Variants in TRPC5 observed in about 807,000 individuals in gnomAD.
TRPC5 encodes the protein short transient receptor potential channel 5.
Under a neutral mutation model 56.5 loss-of-function variants are expected in TRPC5, and 9 were observed. The observed-to-expected ratio is 0.16, with a 90% CI of 0.10 to 0.28. TRPC5 has a LOEUF of 0.28. Ranked by LOEUF, TRPC5 falls within the 10% of genes least tolerant of loss-of-function variation. TRPC5 has a pLI of 1.00. For missense variants in TRPC5, 469 were observed against 748.9 expected (o/e 0.63, Z 4.36); for synonymous variants, 282 against 278.5 (o/e 1.01, Z -0.13).
chrX:112,020,036 C>T (rs1251743997), intron 1 of TRPC5, among the ~76,000 whole-genome samples: 2 of 111,821 alleles, frequency 1.8e-5, no homozygotes, highest in Non-Finnish European at 3.8e-5. Flanking sequence ...TTCATCCTCG[C>T]ATTCGTATCT....
chrX:111,851,228 A>C (rs1262921729), intron 5 of TRPC5, among the ~76,000 whole-genome samples: 1 of 112,233 alleles, frequency 8.9e-6, no homozygotes, highest in African/African-American at 3.2e-5. Flanking sequence ...AAATAAACTA[A>C]GTTGTTGGAG....
chrX:111,962,779 TGAAAG>T (rs1426735137), intron 1 of TRPC5, among the ~76,000 whole-genome samples: 1 of 112,367 alleles, frequency 8.9e-6, no homozygotes, highest in Non-Finnish European at 1.9e-5. Flanking sequence ...AAATCTTTTA[TGAAAG>T]GAAGAGTCAA....
chrX:111,779,084 C>A lies in TRPC5; in HGVS notation c.2143-10G>T. ...AATTCCTGATAACTTCCTGGAATTA[C>A]AAAACATGAAGAAGCATTCAGTCTC... On this transcript the variant is annotated splice_polypyrimidine_tract_variant and intron_variant, in intron 9 of 10. Transcript: ENST00000262839. 2 of 1,157,316 alleles carry A rather than the reference C, an allele frequency of 1.7e-6. No homozygotes were observed. Among genetic ancestry groups the A allele is most frequent in the Non-Finnish European group, 2.3e-6 (2 of 852,468 alleles).
chrX:111,993,946 C>T (rs773533373), intron 1 of TRPC5, among the ~76,000 whole-genome samples: 2 of 111,958 alleles, frequency 1.8e-5, no homozygotes, highest in South Asian at 7.5e-4. Context: ...GTTGCCATTG[C>T]TTTTGGTGTT....
intron 7 of TRPC5, among the ~76,000 whole-genome samples, chrX:111,787,876 C>A (rs1945981717): frequency 9.0e-6 from 1 of 111,440 alleles, no homozygotes; most frequent in African/African-American, 3.3e-5. Context: ...GAAGTTGAAT[C>A]TCTGAATAGG....
At chrX:111,975,671 C>T (rs1352564120) in intron 1 of TRPC5, among the ~76,000 whole-genome samples, 2 of 110,708 alleles carry the variant, frequency 1.8e-5, no homozygotes, top group Non-Finnish European at 3.8e-5. Context: ...CTGAGGAGGG[C>T]GGATCACGAG....
At chrX:111,819,090 C>T in intron 7 of TRPC5, among the ~76,000 whole-genome samples, 1 of 111,506 alleles carries the variant, frequency 9.0e-6, no homozygotes, top group East Asian at 2.8e-4. Context: ...AAGTTCTTAA[C>T]CACTGAGCTA....
intron 3 of TRPC5, among the ~76,000 whole-genome samples, chrX:111,875,623 C>T (rs1450077773): frequency 2.3e-5 from 2 of 87,334 alleles, no homozygotes; most frequent in Non-Finnish European, 4.2e-5. Context: ...CCTTGTGTTG[C>T]ACTTCAATGG....
At chrX:111,903,788 T>C (rs780166079) in intron 3 of TRPC5, 15 of 112,013 alleles carry the variant, frequency 1.3e-4, no homozygotes, top group Non-Finnish European at 2.6e-4. Flanking sequence ...GGCATTAGAT[T>C]AGGTAGTACA....
intron 7 of TRPC5, among the ~76,000 whole-genome samples, chrX:111,805,967 T>C (rs1158769238): frequency 9.0e-6 from 1 of 111,412 alleles, no homozygotes; most frequent in African/African-American, 3.3e-5. Context: ...GCCAATATTT[T>C]CTATAAATTG....
At chrX:111,971,797 A>G (rs1927792414) in intron 1 of TRPC5, among the ~76,000 whole-genome samples, 1 of 111,988 alleles carries the variant, frequency 8.9e-6, no homozygotes, top group Non-Finnish European at 1.9e-5. Flanking sequence ...TCTGGAGGAA[A>G]GATCACCTGG....
At chrX:111,989,947 A>AATGAAGGCAC (rs1279800987) in intron 1 of TRPC5, among the ~76,000 whole-genome samples, 1 of 112,628 alleles carries the variant, frequency 8.9e-6, no homozygotes, top group Non-Finnish European at 1.9e-5. Flanking sequence ...TTGGGGGGAA[A>AATGAAGGCAC]ATGAAGGCAC....
chrX:111,968,824 G>T (rs1240488293), intron 1 of TRPC5, among the ~76,000 whole-genome samples: 1 of 67,109 alleles, frequency 1.5e-5, no homozygotes, highest in Admixed American at 2.3e-4. Context: ...GGGGACTGTT[G>T]TGGGGTGGGG....
chrX:111,834,230 T>A (rs893274707), intron 7 of TRPC5, among the ~76,000 whole-genome samples: 2 of 111,788 alleles, frequency 1.8e-5, no homozygotes, highest in Admixed American at 1.9e-4. Context: ...TGCAAAAAAA[T>A]TCAGCAATGG....
chrX:111,953,486 C>A (rs1232976268), intron 1 of TRPC5, among the ~76,000 whole-genome samples: 2 of 111,685 alleles, frequency 1.8e-5, no homozygotes, highest in Non-Finnish European at 3.8e-5. Flanking sequence ...ACACATTCCT[C>A]ATTAACTCCC....
At chrX:111,929,875 T>C (rs1926360428) in intron 2 of TRPC5, among the ~76,000 whole-genome samples, 1 of 112,113 alleles carries the variant, frequency 8.9e-6, no homozygotes, top group African/African-American at 3.2e-5. Context: ...TTTCAGACTT[T>C]GTTCATCATA....
intron 1 of TRPC5, among the ~76,000 whole-genome samples, chrX:111,967,042 CCT>C (rs1385704367): frequency 9.0e-6 from 1 of 111,442 alleles, no homozygotes; most frequent in Non-Finnish European, 1.9e-5. Flanking sequence ...TCAAATTGTC[CCT>C]GTTTGCAGAT....
intron 1 of TRPC5, among the ~76,000 whole-genome samples, chrX:112,038,381 C>T (rs12009447): frequency 0.083 from 9,308 of 111,777 alleles, 375 homozygotes; most frequent in African/African-American, 0.15. Context: ...TTCAGCTTTT[C>T]AGTGTGCTGT....
chrX:112,050,248 G>C (rs112678806), intron 1 of TRPC5, among the ~76,000 whole-genome samples: 5 of 112,600 alleles, frequency 4.4e-5, no homozygotes, highest in African/African-American at 1.6e-4. Context: ...CAGCATTTTC[G>C]ATACTGAATT....
Sources: allele counts gnomAD v4.1 joint callset (sites outside exome capture counted in the v4.1 genomes callset), GRCh38; gene constraint gnomAD v4.1.1; transcripts MANE v1.5; gene names NCBI Gene and HGNC (gene_info 2026-07-23, HGNC 2026-07-21).